The following TMEM47 variants were observed in gnomAD, a reference collection of about 807,000 sequenced individuals.
The protein encoded by TMEM47 is transmembrane protein 47, also known as brain cell membrane protein 1.
TMEM47 carries 3 observed loss-of-function variants against 12.4 expected under a neutral mutation model. That is an observed-to-expected ratio of 0.24 (90% CI 0.11 to 0.63). The LOEUF is 0.63. TMEM47 is among the 20% of genes least tolerant of loss of function. The probability of loss-of-function intolerance (pLI) is 0.86; values close to 1 mark genes in which losing one functional copy is unlikely to be tolerated. For missense variants in TMEM47, 89 were observed against 143.8 expected (o/e 0.62, Z 1.95); for synonymous variants, 62 against 63.3 (o/e 0.98, Z 0.10).
In TMEM47 at chrX:34,628,975, C is replaced by T. The variant is rs939503265; in HGVS notation, c.*1338G>A. 4 of 111,535 alleles carry T rather than the reference C, an allele frequency of 3.6e-5. No individual in the cohort carries two copies. The highest frequency in any genetic ancestry group is 1.9e-4 in the Admixed American group (2 of 10,396). 9.2% of individuals were successfully genotyped at this position (111,535 alleles called of 1,213,427 possible). A position where few individuals can be genotyped will look rare whatever the true frequency, so the allele number is the denominator to read the frequency against. On this transcript the variant is annotated 3_prime_UTR_variant, in exon 3 of 3. Coordinates refer to ENST00000275954, the MANE Select transcript of TMEM47 (RefSeq NM_031442.4). ...GTAATTCCCTTAACATAAATCCATC[C>T]TAAGTGTGTGCACAAATCGGTTAGC...
chrX:34,638,633 G>C (rs1364078026), intron 2 of TMEM47, among the ~76,000 whole-genome samples: 1 of 111,913 alleles, frequency 8.9e-6, no homozygotes, highest in Non-Finnish European at 1.9e-5. Flanking sequence ...GAAAATTAAA[G>C]CTCACATCAA....
At chrX:34,652,525 A>C (rs1174429866) in intron 1 of TMEM47, among the ~76,000 whole-genome samples, 2 of 112,150 alleles carry the variant, frequency 1.8e-5, no homozygotes, top group Non-Finnish European at 1.9e-5. Context: ...TCCCACACCC[A>C]TCAAATCCCT....
At chrX:34,632,918 T>A (rs1480511679) in intron 2 of TMEM47, among the ~76,000 whole-genome samples, 1 of 110,428 alleles carries the variant, frequency 9.1e-6, no homozygotes, top group African/African-American at 3.3e-5. Flanking sequence ...CAACCATAAC[T>A]ACAGAGAAGA....
At chrX:34,632,366 T>C (rs1242860353) in intron 2 of TMEM47, among the ~76,000 whole-genome samples, 1 of 111,795 alleles carries the variant, frequency 8.9e-6, no homozygotes, top group Non-Finnish European at 1.9e-5. Context: ...TGGAATTTTA[T>C]GTTTTAAAAT....
At chrX:34,631,170 CAAAAAAAAAAAAAAAAAAA>C (rs34845525) in intron 2 of TMEM47, among the ~76,000 whole-genome samples, 3 of 18,574 alleles carry the variant, frequency 1.6e-4, no homozygotes, top group Admixed American at 2.3e-3. Flanking sequence ...GACTCTGTCT[CAAAAAAAAAAAAAAAAAAA>C]AAAAAAAAAA....
At chrX:34,647,285 G>C (rs1921929631) in intron 1 of TMEM47, among the ~76,000 whole-genome samples, 1 of 111,466 alleles carries the variant, frequency 9.0e-6, no homozygotes, top group Non-Finnish European at 1.9e-5. Context: ...TAGTTCTTTT[G>C]TGTCTGTCCC....
At chrX:34,653,114 G>A (rs746079709) in intron 1 of TMEM47, among the ~76,000 whole-genome samples, 5 of 111,694 alleles carry the variant, frequency 4.5e-5, no homozygotes, top group Non-Finnish European at 5.7e-5. Flanking sequence ...ACCTAAGATA[G>A]GCTTTCTTAT....
At chrX:34,647,704 GC>G (rs760579929) in intron 1 of TMEM47, among the ~76,000 whole-genome samples, 11 of 111,994 alleles carry the variant, frequency 9.8e-5, no homozygotes, top group Non-Finnish European at 2.1e-4. Flanking sequence ...AAATGTCAGT[GC>G]CTTTAATGTG....
rs1251825969 is a variant in TMEM47 at position 34,651,299 on chromosome X, A to T, written c.226+5505T>A. On this transcript the variant is annotated intron_variant, in intron 1 of 2. Coordinates refer to ENST00000275954, the MANE Select transcript of TMEM47 (RefSeq NM_031442.4). ...GTCCTGCGGGACCCACTCAATTTGT[A>T]AGAATTCCAATATCCTAAGACCACA... is the stretch of plus-strand genomic sequence containing the variant. Among the ~76,000 whole-genome samples the T allele has an allele frequency of 2.8e-4, 31 of 111,992 alleles. No homozygotes were observed. The Admixed American group carries it at 2.9e-3, about 11-fold the overall frequency.
intron 1 of TMEM47, among the ~76,000 whole-genome samples, chrX:34,656,377 A>C (rs898382593): frequency 6.4e-5 from 7 of 109,966 alleles, no homozygotes; most frequent in Non-Finnish European, 1.1e-4. Context: ...GGAAGGAAAA[A>C]GAGTGGGGAA....
At chrX:34,649,332 G>C (rs1786574970) in intron 1 of TMEM47, among the ~76,000 whole-genome samples, 1 of 111,725 alleles carries the variant, frequency 9.0e-6, no homozygotes, top group Non-Finnish European at 1.9e-5. Flanking sequence ...GATGAAGAAA[G>C]TGTAGCGCAT....
At chrX:34,630,948 G>C (rs1367798554) in intron 2 of TMEM47, among the ~76,000 whole-genome samples, 2 of 108,376 alleles carry the variant, frequency 1.8e-5, no homozygotes, top group African/African-American at 6.7e-5. Flanking sequence ...CCAGGCAGGT[G>C]GATCATGAGG....
At chrX:34,654,478 G>T (rs1922070232) in intron 1 of TMEM47, among the ~76,000 whole-genome samples, 1 of 111,880 alleles carries the variant, frequency 8.9e-6, no homozygotes, top group African/African-American at 3.2e-5. Context: ...GACGAAAAAA[G>T]CTGCTTGCCC....
chrX:34,632,955 G>GA (rs1265301343), intron 2 of TMEM47, among the ~76,000 whole-genome samples: 17 of 104,155 alleles, frequency 1.6e-4, no homozygotes, highest in Non-Finnish European at 3.0e-4. Flanking sequence ...AAGTACATTT[G>GA]AAAAAAAAAA....
intron 2 of TMEM47, among the ~76,000 whole-genome samples, chrX:34,634,911 C>G (rs1921688020): frequency 8.9e-6 from 1 of 112,256 alleles, no homozygotes; most frequent in Admixed American, 9.4e-5. Flanking sequence ...CATAGTGTTT[C>G]ATAAAGTAAT....
rs760886145 is a variant in TMEM47 at position 34,639,399 on chromosome X, A to G, written c.227-12T>C. ...AGCAATCTGCCAATCTGGAAAGAAA[A>G]AAGAAATTGTTTTTGAGTAGTAAGT... is the stretch of plus-strand genomic sequence containing the variant. On this transcript the variant is annotated splice_polypyrimidine_tract_variant and intron_variant, in intron 1 of 2. Transcript: ENST00000275954. 18 of 1,202,162 alleles carry G rather than the reference A, an allele frequency of 1.5e-5. No individual in the cohort carries two copies. In the South Asian group the frequency reaches 3.1e-4, roughly 21 times the overall value.
chrX:34,628,646 C>G lies in TMEM47; in HGVS notation c.*1667G>C, dbSNP rs1431889401. On this transcript the variant is annotated 3_prime_UTR_variant, in exon 3 of 3. Transcript: ENST00000275954. ...GGTAAAACAAATTATTAAATACTATCGATGTGGTCCTGCTCTTAACAGATT... is the reference window on the plus strand; with the variant it reads ...GGTAAAACAAATTATTAAATACTATGGATGTGGTCCTGCTCTTAACAGATT... 1 of 109,667 alleles carries G rather than the reference C, an allele frequency of 9.1e-6. No individual in the cohort carries two copies. The highest frequency in any genetic ancestry group is 1.9e-5 in the Non-Finnish European group (1 of 52,640). 9.0% of individuals were successfully genotyped at this position (109,667 alleles called of 1,213,427 possible). A position where few individuals can be genotyped will look rare whatever the true frequency, so the allele number is the denominator to read the frequency against.
In TMEM47 at chrX:34,657,281, G is replaced by A; in HGVS notation, c.-252C>T. On this transcript the variant is annotated 5_prime_UTR_variant, in exon 1 of 3. Transcript: ENST00000275954. ...ACCTTCGCCGCCGGCCCCGCGCCGC[G>A]CTCTGCCAGCGCCCGCGCCCGCTCC... 4.3e-6 allele frequency: 1 copy of A among 235,110 alleles called. No homozygotes were observed. Among genetic ancestry groups the A allele is most frequent in the Non-Finnish European group, 6.7e-6 (1 of 149,641 alleles). 19.4% of individuals were successfully genotyped at this position (235,110 alleles called of 1,213,427 possible). A position where few individuals can be genotyped will look rare whatever the true frequency, so the allele number is the denominator to read the frequency against.
intron 2 of TMEM47, among the ~76,000 whole-genome samples, chrX:34,631,457 T>C (rs948636129): frequency 9.0e-6 from 1 of 111,539 alleles, no homozygotes; most frequent in Non-Finnish European, 1.9e-5. Flanking sequence ...GCCTCTTGTC[T>C]TTAAAAAGTG....
Sources: allele counts gnomAD v4.1 joint callset (sites outside exome capture counted in the v4.1 genomes callset), GRCh38; gene constraint gnomAD v4.1.1; transcripts MANE v1.5; gene names NCBI Gene and HGNC (gene_info 2026-07-23, HGNC 2026-07-21).